The following FBXL17 variants were observed in gnomAD, a reference collection of about 807,000 sequenced individuals.
The protein encoded by FBXL17 is F-box and leucine rich repeat protein 17.
Under a neutral mutation model 66.2 loss-of-function variants are expected in FBXL17, and 22 were observed. The ratio of observed to expected loss-of-function variants is 0.33; its 90% CI spans 0.24 to 0.47. FBXL17 has a LOEUF of 0.47. Ranked by LOEUF, FBXL17 falls within the 20% of genes least tolerant of loss-of-function variation. The probability of loss-of-function intolerance (pLI) is 1.00; values close to 1 mark genes in which losing one functional copy is unlikely to be tolerated. For synonymous variants in FBXL17, 474 were observed against 400.5 expected, an observed-to-expected ratio of 1.18 and a Z score of -2.19; for missense variants, 878 against 948.2, an observed-to-expected ratio of 0.93 and a Z score of 0.97.
At chr5:107,980,665 T>TATATATATATATATATATATATATATA (rs1363335386) in intron 7 of FBXL17, among the ~76,000 whole-genome samples, 11 of 79,106 alleles carry the variant, frequency 1.4e-4, no homozygotes, top group Middle Eastern at 5.0e-3. Flanking sequence ...TATATATATA[T>TATATATATATATATATATATATATATA]TTTTTTTTTG....
At chr5:108,359,284 A>G (rs1215198992) in intron 3 of FBXL17, among the ~76,000 whole-genome samples, 2 of 151,968 alleles carry the variant, frequency 1.3e-5, no homozygotes, top group African/African-American at 2.4e-5. Flanking sequence ...ATTTTTTTCC[A>G]TAGCTTTTCT....
At chr5:108,066,022 T>G (rs757589569) in intron 6 of FBXL17, among the ~76,000 whole-genome samples, 2 of 152,068 alleles carry the variant, frequency 1.3e-5, no homozygotes, top group African/African-American at 2.4e-5. Context: ...AAGGTTAGGT[T>G]TATGGAAGGG....
At chr5:108,245,964 T>C (rs948850061) in intron 4 of FBXL17, among the ~76,000 whole-genome samples, 2 of 152,192 alleles carry the variant, frequency 1.3e-5, no homozygotes, top group Non-Finnish European at 2.9e-5. Context: ...TAAATATTTA[T>C]TGAATACATG....
intron 6 of FBXL17, among the ~76,000 whole-genome samples, chr5:108,165,909 A>C (rs1339833109): frequency 1.3e-5 from 2 of 152,212 alleles, no homozygotes; most frequent in Non-Finnish European, 2.9e-5. Flanking sequence ...AACAACAAAG[A>C]AAATCCACAA....
chr5:108,179,853 A>C (rs905836606), intron 6 of FBXL17, among the ~76,000 whole-genome samples: 1 of 152,218 alleles, frequency 6.6e-6, no homozygotes, highest in African/African-American at 2.4e-5. Context: ...TCAATTTAAA[A>C]AGAACCATAT....
At chr5:108,312,445 C>T (rs1759169235) in intron 4 of FBXL17, among the ~76,000 whole-genome samples, 2 of 152,138 alleles carry the variant, frequency 1.3e-5, no homozygotes, top group Non-Finnish European at 2.9e-5. Context: ...TGGAAGGCAG[C>T]CCCAATAGTA....
intron 3 of FBXL17, among the ~76,000 whole-genome samples, chr5:108,352,202 T>C (rs1293186102): frequency 6.6e-6 from 1 of 152,200 alleles, no homozygotes; most frequent in Non-Finnish European, 1.5e-5. Flanking sequence ...GTTTTAGACA[T>C]CACTGGATAT....
chr5:108,006,983 G>A (rs1460835100), intron 7 of FBXL17, among the ~76,000 whole-genome samples: 1 of 152,150 alleles, frequency 6.6e-6, no homozygotes, highest in Non-Finnish European at 1.5e-5. Context: ...GTTCTTAAAA[G>A]TTATGCAGAG....
At chr5:108,082,144 T>C (rs1748796116) in intron 6 of FBXL17, among the ~76,000 whole-genome samples, 1 of 152,088 alleles carries the variant, frequency 6.6e-6, no homozygotes, top group Non-Finnish European at 1.5e-5. Flanking sequence ...TCTGAGCCAG[T>C]TATATATTTA....
At chr5:108,181,185 A>G (rs753934791) in intron 6 of FBXL17, among the ~76,000 whole-genome samples, 74 of 152,336 alleles carry the variant, frequency 4.9e-4, no homozygotes, top group Non-Finnish European at 8.4e-4. Context: ...AATGTTGTAG[A>G]CCAAATTGGA....
chr5:108,036,535 T>A (rs1746848580), intron 6 of FBXL17, among the ~76,000 whole-genome samples: 1 of 152,168 alleles, frequency 6.6e-6, no homozygotes, highest in Admixed American at 6.5e-5. Flanking sequence ...ATACATTGCC[T>A]CCACATGAAT....
In FBXL17 at chr5:108,031,493, T is replaced by C. The variant is rs149795079; in HGVS notation, c.1746-10492A>G. On this transcript the variant is annotated intron_variant, in intron 6 of 8. Coordinates refer to ENST00000542267, the MANE Select transcript of FBXL17 (RefSeq NM_001163315.3). The stretch of plus-strand genomic sequence containing the variant: ...GCATGGTAATTTATGCATAATATCA[T>C]AGGAGTTAAAAAAATCAGATGTTCA... Among the ~76,000 whole-genome samples, 738 of 152,148 alleles carry C rather than the reference T, an allele frequency of 4.9e-3. 4 individuals are homozygous for C. The highest frequency in any genetic ancestry group is 0.017 in the African/African-American group (713 of 41,536).
intron 6 of FBXL17, among the ~76,000 whole-genome samples, chr5:108,081,170 CTTT>C (rs1303087045): frequency 6.6e-6 from 1 of 152,000 alleles, no homozygotes; most frequent in African/African-American, 2.4e-5. Context: ...CTTAAGATCT[CTTT>C]TTTAGTGTTA....
chr5:107,992,427 T>C lies in FBXL17; in HGVS notation c.1822+28498A>G, dbSNP rs1753288362. On this transcript the variant is annotated intron_variant, in intron 7 of 8. Coordinates refer to ENST00000542267, the MANE Select transcript of FBXL17 (RefSeq NM_001163315.3). The stretch of plus-strand genomic sequence containing the variant: ...GAAACTGGAACTACAATCAGAAAAA[T>C]GTTGGCCTTGAAAAAGTCATATAAA... 2.0e-5 allele frequency among the ~76,000 whole-genome samples: 3 copies of C among 151,958 alleles called. No homozygotes were observed. In the East Asian group the frequency reaches 5.8e-4, roughly 29 times the overall value.
At chr5:108,338,935 T>G (rs745998309) in intron 4 of FBXL17, among the ~76,000 whole-genome samples, 1 of 152,134 alleles carries the variant, frequency 6.6e-6, no homozygotes, top group East Asian at 1.9e-4. Flanking sequence ...CAGGTTTAGA[T>G]AGGAACATCA....
intron 7 of FBXL17, among the ~76,000 whole-genome samples, chr5:107,996,940 G>A (rs1371861888): frequency 1.3e-5 from 2 of 152,186 alleles, no homozygotes; most frequent in Non-Finnish European, 2.9e-5. Context: ...ACTACTCTTC[G>A]CATGTTGCCT....
chr5:108,230,810 C>T lies in FBXL17; in HGVS notation c.1507-6582G>A, dbSNP rs564421163. Among the ~76,000 whole-genome samples, 7 of 140,108 alleles carry T rather than the reference C, an allele frequency of 5.0e-5. No homozygotes were observed. The South Asian group carries it at 1.4e-3, about 28-fold the overall frequency. The allele number at this position is 140,108 out of a possible 152,430, so 91.9% of individuals were successfully genotyped here. A position where few individuals can be genotyped will look rare whatever the true frequency, so the allele number is the denominator to read the frequency against. ...ACTTTGGGGGAAGGGTTGGGGGGCG[C>T]GAGGGATAAAAGACTACAAATAGGG... On this transcript the variant is annotated intron_variant, in intron 4 of 8. Transcript: ENST00000542267.
intron 4 of FBXL17, among the ~76,000 whole-genome samples, chr5:108,240,031 C>T (rs985903042): frequency 6.6e-6 from 1 of 151,952 alleles, no homozygotes; most frequent in Non-Finnish European, 1.5e-5. Context: ...CTAAAAAGAG[C>T]CCTTGGGGCC....
chr5:108,023,008 G>C (rs1754658366), intron 6 of FBXL17, among the ~76,000 whole-genome samples: 2 of 152,112 alleles, frequency 1.3e-5, no homozygotes, highest in South Asian at 2.1e-4. Context: ...AGGCAATACA[G>C]TGGCCAAGAG....
Sources: allele counts gnomAD v4.1 joint callset (sites outside exome capture counted in the v4.1 genomes callset), GRCh38; gene constraint gnomAD v4.1.1; transcripts MANE v1.5; gene names NCBI Gene and HGNC (gene_info 2026-07-23, HGNC 2026-07-21).